Variants in GTF2I observed in about 807,000 individuals in gnomAD.
The protein encoded by GTF2I is general transcription factor II-I.
In GTF2I, 12 loss-of-function variants were observed where a neutral mutation model predicts 67.6. The observed-to-expected ratio is 0.18, with a 90% CI of 0.11 to 0.29. The LOEUF (loss-of-function observed/expected upper bound fraction) is 0.29, where lower values mean the gene tolerates loss of function less well. Ranked by LOEUF, GTF2I falls within the 10% of genes least tolerant of loss-of-function variation. The pLI, the probability that GTF2I is intolerant of heterozygous loss-of-function variation, is 1.00. For synonymous variants in GTF2I, 149 were observed against 197.0 expected (o/e 0.76, Z 2.04); for missense variants, 271 against 580.1 (o/e 0.47, Z 5.47).
chr7:74,663,804 G>T (rs1804724782), intron 1 of GTF2I, among the ~76,000 whole-genome samples: 2 of 152,030 alleles, frequency 1.3e-5, no homozygotes, highest in Admixed American at 1.3e-4. Context: ...CTTAGAAGAT[G>T]TGTGTTTTTT....
At position 74,658,081 on chromosome 7, in the gene GTF2I, C is replaced by T. The variant is rs1804076003; in HGVS notation, c.-6+13C>T. On this transcript the variant is annotated intron_variant, in intron 1 of 34. Coordinates refer to ENST00000573035, the MANE Select transcript of GTF2I (RefSeq NM_032999.4). Reference sequence around the variant, plus strand: ...CGGCCGCACTCGGGTGAGTCCCTCTCGCCTCATCCCCGCGCCCCCCGCCCC... The same window carrying T: ...CGGCCGCACTCGGGTGAGTCCCTCTTGCCTCATCCCCGCGCCCCCCGCCCC... 2.0e-5 allele frequency: 3 copies of T among 151,504 alleles called. No individual in the cohort carries two copies. Among genetic ancestry groups the T allele is most frequent in the Admixed American group, 6.6e-5 (1 of 15,198 alleles). 9.4% of individuals were successfully genotyped at this position (151,504 alleles called of 1,614,324 possible).
At chr7:74,726,899 A>G (rs1385008136) in intron 12 of GTF2I, 3 of 146,452 alleles carry the variant, frequency 2.0e-5, no homozygotes, top group Admixed American at 6.9e-5. Flanking sequence ...AGACCCTGCC[A>G]ATAGATAGAT....
In GTF2I at chr7:74,714,467, C is replaced by T. The variant is rs140642918; in HGVS notation, c.764-390C>T. Among the ~76,000 whole-genome samples, 872 of 151,956 alleles carry T rather than the reference C, an allele frequency of 5.7e-3. 10 individuals carry two copies. The highest frequency in any genetic ancestry group is 0.02 in the African/African-American group (827 of 41,462). On this transcript the variant is annotated intron_variant, in intron 9 of 34. Coordinates refer to ENST00000573035, the MANE Select transcript of GTF2I (RefSeq NM_032999.4). The stretch of plus-strand genomic sequence containing the variant: ...GACAAAAGAGTAAGCAAATATTTGC[C>T]AAAGAAGAAACAAATAAACCTGTGA...
chr7:74,710,946 T>C, intron 8 of GTF2I, 86 bp from the exon 9 acceptor site: 3 of 652,120 alleles, frequency 4.6e-6, no homozygotes, highest in Non-Finnish European at 5.4e-6. Flanking sequence ...CATTGCTGTA[T>C]TTATAGGGAG....
intron 1 of GTF2I, among the ~76,000 whole-genome samples, chr7:74,686,187 GAC>G (rs1562949415): frequency 6.6e-6 from 1 of 152,124 alleles, no homozygotes; most frequent in East Asian, 1.9e-4. Flanking sequence ...TTCCATCTGG[GAC>G]ACAGAAAAAG....
chr7:74,668,035 T>C (rs192342904), intron 1 of GTF2I, among the ~76,000 whole-genome samples: 24 of 151,946 alleles, frequency 1.6e-4, no homozygotes, highest in African/African-American at 5.8e-4. Context: ...GGTTTCACCA[T>C]GTTAGCCAGG....
intron 11 of GTF2I, among the ~76,000 whole-genome samples, chr7:74,717,327 AC>A (rs1792383887): frequency 1.9e-5 from 1 of 52,848 alleles, no homozygotes; most frequent in Non-Finnish European, 3.5e-5. Flanking sequence ...ATTTTTTAAT[AC>A]TTCTAGTCTC....
chr7:74,683,942 A>AT (rs1258276362), intron 1 of GTF2I, among the ~76,000 whole-genome samples: 17 of 150,538 alleles, frequency 1.1e-4, no homozygotes, highest in Non-Finnish European at 1.5e-4. Flanking sequence ...ACCTGGTTTA[A>AT]TTTTTTTTTT....
At chr7:74,676,975 C>T (rs1420079227) in intron 1 of GTF2I, among the ~76,000 whole-genome samples, 1 of 152,052 alleles carries the variant, frequency 6.6e-6, no homozygotes, top group Non-Finnish European at 1.5e-5. Flanking sequence ...AGGAGAATTG[C>T]TTGAACCCAA....
At position 74,676,865 on chromosome 7, in the gene GTF2I, G is replaced by T. The variant is rs191083935; in HGVS notation, c.-5-12259G>T. ...GAGGTCAGGAGTTCAAGACCAGCCT[G>T]GCCAACATGGGGAAACCCTGTCTCT... On this transcript the variant is annotated intron_variant, in intron 1 of 34. Transcript: ENST00000573035. Among the ~76,000 whole-genome samples the T allele has an allele frequency of 4.0e-3, 616 of 152,184 alleles. 4 individuals carry two copies. The highest frequency in any genetic ancestry group is 0.014 in the African/African-American group (586 of 41,516).
intron 12 of GTF2I, among the ~76,000 whole-genome samples, chr7:74,723,006 A>G (rs782606412): frequency 6.6e-6 from 1 of 152,034 alleles, no homozygotes; most frequent in Non-Finnish European, 1.5e-5. Context: ...TGTGGAATTT[A>G]TGTTTAAGAT....
chr7:74,721,012 C>A (rs188884327), intron 12 of GTF2I, among the ~76,000 whole-genome samples: 1 of 151,840 alleles, frequency 6.6e-6, no homozygotes, highest in African/African-American at 2.4e-5. Context: ...AGTAATAAAT[C>A]TCTTTTCTTT....
intron 1 of GTF2I, among the ~76,000 whole-genome samples, chr7:74,681,016 A>G (rs1277909097): frequency 6.6e-6 from 1 of 152,220 alleles, no homozygotes; most frequent in African/African-American, 2.4e-5. Flanking sequence ...AATCGGAGAT[A>G]AACAATGAAA....
rs869183139 is a variant in GTF2I at position 74,730,713 on chromosome 7, C to CTTTTTTTTTTTTTT, written c.1120+433_1120+446dup. Among the ~76,000 whole-genome samples the CTTTTTTTTTTTTTT allele has an allele frequency of 2.3e-4, 15 of 63,920 alleles. 2 individuals carry two copies. The highest frequency in any genetic ancestry group is 5.1e-4 in the East Asian group (1 of 1,952). 41.9% of individuals were successfully genotyped at this position (63,920 alleles called of 152,430 possible). A position where few individuals can be genotyped will look rare whatever the true frequency, so the allele number is the denominator to read the frequency against. The stretch of plus-strand genomic sequence containing the variant: ...ATCCCCCTATTGTCTCTACTTTTAT[C>CTTTTTTTTTTTTTT]TTTTTTTTTTTTTTTTTTTTTTTTT... On this transcript the variant is annotated intron_variant, in intron 14 of 34. Coordinates refer to ENST00000573035, the MANE Select transcript of GTF2I (RefSeq NM_032999.4).
chr7:74,703,727 C>G (rs1790165707), intron 6 of GTF2I, among the ~76,000 whole-genome samples: 1 of 152,162 alleles, frequency 6.6e-6, no homozygotes, highest in East Asian at 1.9e-4. Context: ...TGCGTAAACC[C>G]AAAGGCATGA....
chr7:74,703,719 C>T (rs985109170), intron 6 of GTF2I, among the ~76,000 whole-genome samples: 2 of 152,178 alleles, frequency 1.3e-5, no homozygotes, highest in Admixed American at 6.5e-5. Flanking sequence ...GAAACCATTG[C>T]GTAAACCCAA....
At chr7:74,666,497 C>G (rs587758147) in intron 1 of GTF2I, among the ~76,000 whole-genome samples, 46 of 149,554 alleles carry the variant, frequency 3.1e-4, no homozygotes, top group South Asian at 2.1e-3. Flanking sequence ...TTACTCCTTC[C>G]TCCTGTTCGT....
chr7:74,663,349 C>T (rs1018037308), intron 1 of GTF2I, among the ~76,000 whole-genome samples: 4 of 151,824 alleles, frequency 2.6e-5, no homozygotes, highest in Non-Finnish European at 5.9e-5. Context: ...GCAGTGGTGC[C>T]ATCTCAGCTC....
At chr7:74,691,342 G>C (rs1454296600) in intron 3 of GTF2I, among the ~76,000 whole-genome samples, 1 of 152,036 alleles carries the variant, frequency 6.6e-6, no homozygotes, top group Non-Finnish European at 1.5e-5. Flanking sequence ...AAGTAGCTGG[G>C]ATTACAGGCA....
Sources: allele counts gnomAD v4.1 joint callset (sites outside exome capture counted in the v4.1 genomes callset), GRCh38; gene constraint gnomAD v4.1.1; transcripts MANE v1.5; gene names NCBI Gene and HGNC (gene_info 2026-07-23, HGNC 2026-07-21).